The following FHIT variants were observed in gnomAD, a reference collection of about 807,000 sequenced individuals.
FHIT encodes fragile histidine triad diadenosine triphosphatase.
In FHIT, 19 loss-of-function variants were observed where a neutral mutation model predicts 17.9. The ratio of observed to expected loss-of-function variants is 1.06; its 90% CI spans 0.74 to 1.56. FHIT has a LOEUF of 1.56. FHIT is among the 40% of genes most tolerant of loss of function. The pLI is 0.00. For missense variants in FHIT, 248 were observed against 189.2 expected (o/e 1.31, Z -1.82); for synonymous variants, 81 against 69.7 (o/e 1.16, Z -0.81).
At chr3:59,864,141 C>T (rs1041975491) in intron 8 of FHIT, among the ~76,000 whole-genome samples, 31 of 151,704 alleles carry the variant, frequency 2.0e-4, no homozygotes, top group Non-Finnish European at 3.7e-4. Context: ...CAGTACCTAG[C>T]TAACCCACAA....
intron 5 of FHIT, among the ~76,000 whole-genome samples, chr3:60,530,829 G>C (rs537589439): frequency 6.6e-6 from 1 of 152,304 alleles, no homozygotes; most frequent in East Asian, 1.9e-4. Context: ...TTTGAATGAT[G>C]ACAGCATCCA....
intron 3 of FHIT, among the ~76,000 whole-genome samples, chr3:60,953,252 C>G (rs4571197): frequency 0.59 from 89,025 of 151,970 alleles, 26,591 homozygotes; most frequent in Middle Eastern, 0.63. Flanking sequence ...TTTATACTGT[C>G]GTAATCTGTT....
At chr3:61,097,943 C>A (rs1446167638) in intron 2 of FHIT, among the ~76,000 whole-genome samples, 1 of 152,132 alleles carries the variant, frequency 6.6e-6, no homozygotes, top group Non-Finnish European at 1.5e-5. Flanking sequence ...TGCAGAAGCT[C>A]CTTAGTTTAA....
intron 5 of FHIT, among the ~76,000 whole-genome samples, chr3:60,216,091 G>A (rs1703683815): frequency 6.6e-6 from 1 of 151,998 alleles, no homozygotes; most frequent in Non-Finnish European, 1.5e-5. Flanking sequence ...GATCAAAGGG[G>A]GATCAACACT....
At chr3:60,624,317 A>C (rs1050976795) in intron 4 of FHIT, among the ~76,000 whole-genome samples, 1 of 152,194 alleles carries the variant, frequency 6.6e-6, no homozygotes, top group South Asian at 2.1e-4. Flanking sequence ...TCAACTTGAC[A>C]ATGATGAACA....
At chr3:60,831,368 A>G (rs1427788111) in intron 3 of FHIT, among the ~76,000 whole-genome samples, 5 of 152,230 alleles carry the variant, frequency 3.3e-5, no homozygotes, top group Non-Finnish European at 7.3e-5. Context: ...AAGAGAGCCA[A>G]TTACTTCAGC....
At chr3:60,895,909 A>G (rs1427915986) in intron 3 of FHIT, among the ~76,000 whole-genome samples, 1 of 151,006 alleles carries the variant, frequency 6.6e-6, no homozygotes, top group African/African-American at 2.4e-5. Flanking sequence ...GCAATTAGTC[A>G]TTGCTCTAAG....
chr3:60,756,298 G>C (rs77774677), intron 4 of FHIT, among the ~76,000 whole-genome samples: 4 of 152,108 alleles, frequency 2.6e-5, no homozygotes, highest in Non-Finnish European at 4.4e-5. Context: ...ATTGTACAAG[G>C]TTTCAATGCC....
At chr3:60,414,799 G>T (rs1027982547) in intron 5 of FHIT, among the ~76,000 whole-genome samples, 2 of 152,270 alleles carry the variant, frequency 1.3e-5, no homozygotes, top group African/African-American at 4.8e-5. Flanking sequence ...TGCAATTATT[G>T]TAAGAATGAT....
chr3:59,916,335 C>G (rs888527790), intron 8 of FHIT, among the ~76,000 whole-genome samples: 4 of 152,190 alleles, frequency 2.6e-5, no homozygotes, highest in South Asian at 2.1e-4. Context: ...CAGCAACAGA[C>G]TGAAGGCTGC....
rs190190114 is a variant in FHIT, at chr3:60,284,696, G to A, written c.103+252164C>T. Among the ~76,000 whole-genome samples, 116 of 152,016 alleles carry A rather than the reference G, an allele frequency of 7.6e-4. 1 individual carries two copies. Among genetic ancestry groups the A allele is most frequent in the Admixed American group, 2.6e-3 (39 of 15,276 alleles). On this transcript the variant is annotated intron_variant, in intron 5 of 9. Transcript: ENST00000492590. The stretch of plus-strand genomic sequence containing the variant: ...TGTATCATAATGTTTCTAAGATAAC[G>A]CATGGACTTTTTAAAGAATTTCATG...
At chr3:60,911,049 G>A (rs1706715654) in intron 3 of FHIT, among the ~76,000 whole-genome samples, 2 of 152,094 alleles carry the variant, frequency 1.3e-5, no homozygotes, top group Admixed American at 6.5e-5. Flanking sequence ...GAGAACCAAT[G>A]CTGTTTTTGA....
intron 2 of FHIT, among the ~76,000 whole-genome samples, chr3:61,182,005 T>C (rs1446807419): frequency 2.6e-5 from 4 of 152,216 alleles, no homozygotes; most frequent in Admixed American, 2.0e-4. Context: ...AAGCATTTAA[T>C]GAGAAAGGAT....
At chr3:60,850,196 C>T (rs939048966) in intron 3 of FHIT, among the ~76,000 whole-genome samples, 1 of 152,082 alleles carries the variant, frequency 6.6e-6, no homozygotes, top group South Asian at 2.1e-4. Flanking sequence ...CCTTCGCTGA[C>T]TATCCAATCT....
rs577526292 is a variant in FHIT, at chr3:61,188,397, C to G, written c.-164+12220G>C. 6.6e-5 allele frequency among the ~76,000 whole-genome samples: 10 copies of G among 152,296 alleles called. No individual in the cohort carries two copies. In the East Asian group the frequency reaches 1.9e-3, roughly 29 times the overall value. ...ACTAAACCAGAAAGAAGTTGAATCT[C>G]TGAATAGACCAAAAACAGGCTCTGA... is the stretch of plus-strand genomic sequence containing the variant. On this transcript the variant is annotated intron_variant, in intron 2 of 9. Transcript: ENST00000492590.
intron 8 of FHIT, among the ~76,000 whole-genome samples, chr3:59,893,589 G>C (rs1034842097): frequency 6.6e-6 from 1 of 152,176 alleles, no homozygotes; most frequent in African/African-American, 2.4e-5. Flanking sequence ...CATTTTTGTA[G>C]GAAGTGTGTT....
At chr3:61,246,933 C>T (rs2040500862) in intron 1 of FHIT, among the ~76,000 whole-genome samples, 1 of 152,074 alleles carries the variant, frequency 6.6e-6, no homozygotes, top group African/African-American at 2.4e-5. Flanking sequence ...ATTCTCTCCA[C>T]CTCCTCCAGC....
At chr3:60,893,817 A>G (rs1705643466) in intron 3 of FHIT, among the ~76,000 whole-genome samples, 1 of 152,216 alleles carries the variant, frequency 6.6e-6, no homozygotes, top group Non-Finnish European at 1.5e-5. Flanking sequence ...AAAGTCAAGG[A>G]TTCCATCCAC....
At chr3:59,758,929 A>G (rs2106771031) in intron 8 of FHIT, among the ~76,000 whole-genome samples, 1 of 152,100 alleles carries the variant, frequency 6.6e-6, no homozygotes, top group East Asian at 1.9e-4. Context: ...GCTGAGTTCT[A>G]GAAAGCTACA....
Sources: gnomAD v4.1 joint callset for allele counts (sites outside exome capture counted in the v4.1 genomes callset) on GRCh38, gnomAD v4.1.1 for gene constraint, MANE v1.5 for transcripts, NCBI Gene and HGNC (gene_info 2026-07-23, HGNC 2026-07-21) for gene names.